The following MREG variants were observed in gnomAD, a reference collection of about 807,000 sequenced individuals.
The protein encoded by MREG is melanoregulin.
MREG carries 31 observed loss-of-function variants against 28.5 expected under a neutral mutation model. The ratio of observed to expected loss-of-function variants is 1.09; its 90% confidence interval spans 0.82 to 1.47. The LOEUF (loss-of-function observed/expected upper bound fraction) is 1.47. MREG is among the 40% of genes most tolerant of loss of function. The pLI, the probability that MREG is intolerant of heterozygous loss-of-function variation, is 0.00. For synonymous variants in MREG, 106 were observed against 95.2 expected (o/e 1.11, Z -0.66); for missense variants, 256 against 257.4 (o/e 0.99, Z 0.04).
chr2:216,008,671 T>C (rs73072196), intron 1 of MREG, among the ~76,000 whole-genome samples: 22,365 of 152,244 alleles, frequency 0.15, 2,188 homozygotes, highest in African/African-American at 0.28. Context: ...AAAATCTCAG[T>C]TTGCTCTAGA....
intron 2 of MREG, among the ~76,000 whole-genome samples, chr2:215,954,982 C>T (rs1217208846): frequency 2.0e-5 from 3 of 152,246 alleles, no homozygotes; most frequent in East Asian, 1.9e-4. Context: ...GGATTACAGG[C>T]GTGAGCCACC....
rs1190876022 is a variant in MREG, at chr2:215,977,224, G to A, written c.255+19082C>T. Among the ~76,000 whole-genome samples the A allele has an allele frequency of 6.6e-5, 10 of 152,214 alleles. No homozygotes were observed. In the East Asian group the frequency reaches 1.5e-3, roughly 23 times the overall value. On this transcript the variant is annotated intron_variant, in intron 2 of 4. Coordinates refer to ENST00000263268, the MANE Select transcript of MREG (RefSeq NM_018000.3). The stretch of plus-strand genomic sequence containing the variant: ...TGGAAACCAACAAAAAGCAGGGGTT[G>A]CAACCCTAGTCTCTGATAAAACAGA...
intron 1 of MREG, among the ~76,000 whole-genome samples, chr2:216,003,920 C>A (rs1197538546): frequency 1.3e-5 from 2 of 152,258 alleles, no homozygotes; most frequent in Non-Finnish European, 1.5e-5. Flanking sequence ...ATTCTTAACA[C>A]AACAGCCAAA....
At chr2:215,988,536 G>A (rs1042713379) in intron 2 of MREG, among the ~76,000 whole-genome samples, 1 of 152,092 alleles carries the variant, frequency 6.6e-6, no homozygotes, top group African/African-American at 2.4e-5. Context: ...GAACACCAGC[G>A]ACACAGAATC....
intron 1 of MREG, among the ~76,000 whole-genome samples, chr2:216,007,655 G>A (rs1694195288): frequency 6.6e-6 from 1 of 151,720 alleles, no homozygotes; most frequent in Admixed American, 6.6e-5. Context: ...GTCTCATACT[G>A]CTGACCTCAA....
intron 1 of MREG, among the ~76,000 whole-genome samples, chr2:215,997,993 C>T (rs1693913830): frequency 6.6e-6 from 1 of 152,076 alleles, no homozygotes; most frequent in East Asian, 1.9e-4. Context: ...GGTCAGACTG[C>T]CAATCACCGC....
At chr2:215,967,779 T>C (rs1269583563) in intron 2 of MREG, among the ~76,000 whole-genome samples, 1 of 152,174 alleles carries the variant, frequency 6.6e-6, no homozygotes, top group Non-Finnish European at 1.5e-5. Flanking sequence ...CACGACTGTG[T>C]TCCAATAAAA....
chr2:215,956,627 C>T (rs1210718508), intron 2 of MREG, among the ~76,000 whole-genome samples: 5 of 152,148 alleles, frequency 3.3e-5, no homozygotes, highest in Non-Finnish European at 5.9e-5. Flanking sequence ...CAGCCTCGAC[C>T]TCCCAAACTC....
chr2:215,976,589 A>G (rs1197433921), intron 2 of MREG, among the ~76,000 whole-genome samples: 3 of 152,202 alleles, frequency 2.0e-5, no homozygotes, highest in Non-Finnish European at 2.9e-5. Flanking sequence ...TTGGTGTGGT[A>G]TAGGTAACGT....
At chr2:215,946,867 G>A (rs1039332491) in intron 3 of MREG, among the ~76,000 whole-genome samples, 156 bp downstream of exon 3, 1 of 152,236 alleles carries the variant, frequency 6.6e-6, no homozygotes, top group Non-Finnish European at 1.5e-5. Flanking sequence ...ATTTATGCTT[G>A]AGGATATAAG....
At chr2:215,987,918 A>T (rs370512170) in intron 2 of MREG, among the ~76,000 whole-genome samples, 9 of 152,252 alleles carry the variant, frequency 5.9e-5, no homozygotes, top group East Asian at 5.8e-4. Context: ...TAAAAAAAAT[A>T]AAAAAATTTA....
At chr2:216,008,980 A>C (rs71352148) in intron 1 of MREG, among the ~76,000 whole-genome samples, 36,147 of 151,936 alleles carry the variant, frequency 0.24, 4,695 homozygotes, top group East Asian at 0.39. Flanking sequence ...AATCCCCACC[A>C]TAGCCCTATG....
rs145133322 is a variant in MREG at position 215,963,631 on chromosome 2, T to G, written c.256-16518A>C. ...GCATTGTATTTTTATTGGGCAGTGC[T>G]GATCCACACAACATTATACTCAATT... is the stretch of plus-strand genomic sequence containing the variant. On this transcript the variant is annotated intron_variant, in intron 2 of 4. Transcript: ENST00000263268. 3.9e-5 allele frequency among the ~76,000 whole-genome samples: 6 copies of G among 151,904 alleles called. No individual in the cohort carries two copies. In the East Asian group the frequency reaches 1.2e-3, roughly 29 times the overall value.
intron 1 of MREG, among the ~76,000 whole-genome samples, chr2:216,008,006 G>C (rs1209223450): frequency 6.6e-6 from 1 of 152,022 alleles, no homozygotes; most frequent in Non-Finnish European, 1.5e-5. Context: ...ACCTAACTCT[G>C]TATTTCCCCT....
chr2:216,032,955 G>C (rs1285939334), exon 1 of MREG: 1 of 152,120 alleles, frequency 6.6e-6, no homozygotes, highest in Non-Finnish European at 1.5e-5. Context: ...TCCTAAGAAG[G>C]CACTGCTCAG....
chr2:215,954,445 A>AACAAACACACACACACACACACAC (rs1553547417), intron 2 of MREG, among the ~76,000 whole-genome samples: 58 of 136,602 alleles, frequency 4.2e-4, no homozygotes, highest in African/African-American at 1.4e-3. Flanking sequence ...ATCTGTGTAC[A>AACAAACACACACACACACACACAC]ACACACACAC....
rs903192034 is a variant in MREG, at chr2:216,018,973, G to A, written c.-68+13816C>T. Reference sequence around the variant, plus strand: ...CTCTTTCTATAATTTGCTTCTTAACGGCAAAGACTCAAAGTTGGAAAACAG... The same window carrying A: ...CTCTTTCTATAATTTGCTTCTTAACAGCAAAGACTCAAAGTTGGAAAACAG... On this transcript the variant is annotated intron_variant, in intron 1 of 3. Transcript: ENST00000420348. Among the ~76,000 whole-genome samples the A allele has an allele frequency of 3.3e-5, 5 of 152,124 alleles. No individual in the cohort carries two copies. In the East Asian group the frequency reaches 7.7e-4, roughly 23 times the overall value.
Position 215,982,335 on chromosome 2 carries a change from C to CAA in MREG, c.255+13969_255+13970dup, listed in dbSNP as rs35108598. 3.4e-3 allele frequency among the ~76,000 whole-genome samples: 464 copies of CAA among 135,744 alleles called. 1 individual carries two copies. The highest frequency in any genetic ancestry group is 0.013 in the Admixed American group (179 of 13,602). The allele number at this position is 135,744 out of a possible 152,430, so 89.1% of individuals were successfully genotyped here. A position where few individuals can be genotyped will look rare whatever the true frequency, so the allele number is the denominator to read the frequency against. On this transcript the variant is annotated intron_variant, in intron 2 of 4. Transcript: ENST00000263268. ...AAATTCTGTCACAGCAAAACTCCGT[C>CAA]AAAAAAAAAAAAAGAAAAGAAAAAA...
At chr2:215,972,617 GA>G (rs34332971) in intron 2 of MREG, among the ~76,000 whole-genome samples, 42,539 of 103,976 alleles carry the variant, frequency 0.41, 6,653 homozygotes, top group Middle Eastern at 0.46. Flanking sequence ...CTCTCTCCCA[GA>G]AAAAAAAAAA....
Sources: gnomAD v4.1 joint callset for allele counts (sites outside exome capture counted in the v4.1 genomes callset) on GRCh38, gnomAD v4.1.1 for gene constraint, MANE v1.5 for transcripts, NCBI Gene and HGNC (gene_info 2026-07-23, HGNC 2026-07-21) for gene names.